SLC44A5: variants seen among roughly 807,000 people sequenced by gnomAD.
SLC44A5 encodes the protein solute carrier family 44 member 5, also known as choline transporter-like protein 5.
A neutral mutation model predicts 101.8 loss-of-function variants in SLC44A5; 57 were observed. The observed-to-expected ratio is 0.56, with a 90% CI of 0.45 to 0.70. SLC44A5 has a LOEUF of 0.70. Ranked by LOEUF, SLC44A5 falls within the 30% of genes least tolerant of loss-of-function variation. The probability of loss-of-function intolerance (pLI) is 0.00; values close to 1 mark genes in which losing one functional copy is unlikely to be tolerated. For missense variants in SLC44A5, 737 were observed against 853.1 expected (o/e 0.86, Z 1.70); for synonymous variants, 281 against 290.9 (o/e 0.97, Z 0.35).
At chr1:75,252,110 C>T (rs976300516) in intron 6 of SLC44A5, among the ~76,000 whole-genome samples, 3 of 152,104 alleles carry the variant, frequency 2.0e-5, no homozygotes, top group Non-Finnish European at 2.9e-5. Flanking sequence ...CAACTCTTTC[C>T]CAACCCTTGA....
intron 2 of SLC44A5, among the ~76,000 whole-genome samples, chr1:75,498,399 T>C (rs981019054): frequency 7.2e-5 from 11 of 152,148 alleles, no homozygotes; most frequent in Non-Finnish European, 1.6e-4. Flanking sequence ...TTCCTAAAAT[T>C]TGATATTACT....
intron 10 of SLC44A5, 128 bp downstream of exon 10, chr1:75,238,385 C>CATATATATATATATATATAT (rs71081318): frequency 4.8e-4 from 103 of 215,504 alleles, no homozygotes; most frequent in South Asian, 1.1e-3. Flanking sequence ...ACGTATATTT[C>CATATATATATATATATATAT]ATATATATAT....
At chr1:75,207,370 A>C (rs1364542392) in intron 23 of SLC44A5, among the ~76,000 whole-genome samples, 3 of 152,182 alleles carry the variant, frequency 2.0e-5, no homozygotes, top group Non-Finnish European at 4.4e-5. Flanking sequence ...TGACTCTCAT[A>C]ATACATTAAT....
At chr1:75,681,403 T>C in the SLC44A5 span, among the ~76,000 whole-genome samples, 2 of 151,574 alleles carry the variant, frequency 1.3e-5, no homozygotes, top group African/African-American at 4.8e-5. Context: ...AAAAAGCTTA[T>C]CCACCATGAT....
the SLC44A5 span, among the ~76,000 whole-genome samples, chr1:75,685,521 G>A: frequency 6.6e-6 from 1 of 152,100 alleles, no homozygotes; most frequent in Non-Finnish European, 1.5e-5. Flanking sequence ...CTTTTGACCA[G>A]TTCCCAAGAA....
the SLC44A5 span, among the ~76,000 whole-genome samples, chr1:75,665,147 A>C: frequency 1.3e-5 from 2 of 152,082 alleles, no homozygotes; most frequent in African/African-American, 4.8e-5. Flanking sequence ...AAAGAACTCA[A>C]ATAGTCAAAG....
chr1:75,700,071 C>T, the SLC44A5 span, among the ~76,000 whole-genome samples: 1 of 151,938 alleles, frequency 6.6e-6, no homozygotes, highest in Non-Finnish European at 1.5e-5. Context: ...ACTTTAACAC[C>T]CCGCTGTCAA....
chr1:75,260,466 A>C (rs1166381527), intron 6 of SLC44A5, among the ~76,000 whole-genome samples: 1 of 152,134 alleles, frequency 6.6e-6, no homozygotes. Context: ...ATGCAACAAG[A>C]AGCAGTAACC....
chr1:75,570,448 A>T (rs1673014971), intron 1 of SLC44A5, among the ~76,000 whole-genome samples: 2 of 152,184 alleles, frequency 1.3e-5, no homozygotes, highest in East Asian at 3.8e-4. Flanking sequence ...GGAGGGTTCA[A>T]TCTATTTTAT....
intron 6 of SLC44A5, among the ~76,000 whole-genome samples, chr1:75,263,801 TAA>T (rs1368727307): frequency 6.6e-6 from 1 of 151,944 alleles, no homozygotes; most frequent in Admixed American, 6.6e-5. Flanking sequence ...TATGCAGCCA[TAA>T]AAAAGGATGA....
chr1:75,374,583 G>A (rs932187001), intron 3 of SLC44A5, among the ~76,000 whole-genome samples: 3 of 152,134 alleles, frequency 2.0e-5, no homozygotes, highest in Non-Finnish European at 2.9e-5. Context: ...CCAGGGCACC[G>A]CTGCACATGC....
the SLC44A5 span, among the ~76,000 whole-genome samples, chr1:75,700,177 C>T: frequency 6.6e-6 from 1 of 152,176 alleles, no homozygotes; most frequent in Non-Finnish European, 1.5e-5. Flanking sequence ...CTACAGAAAT[C>T]TCCACCCCGA....
At chr1:75,395,937 G>A (rs926678046) in intron 3 of SLC44A5, among the ~76,000 whole-genome samples, 3 of 152,104 alleles carry the variant, frequency 2.0e-5, no homozygotes, top group Admixed American at 6.6e-5. Context: ...ATATACCTCA[G>A]GGGCAATGAG....
At chr1:75,692,372 T>G in the SLC44A5 span, among the ~76,000 whole-genome samples, 1 of 151,864 alleles carries the variant, frequency 6.6e-6, no homozygotes, top group Non-Finnish European at 1.5e-5. Context: ...TTTTTTTGTA[T>G]TTTTAATAAA....
chr1:75,420,072 T>C (rs1489882038), intron 2 of SLC44A5, among the ~76,000 whole-genome samples: 1 of 152,070 alleles, frequency 6.6e-6, no homozygotes, highest in Admixed American at 6.6e-5. Context: ...AGTGTCCTTC[T>C]AAGAGAGGCC....
the SLC44A5 span, among the ~76,000 whole-genome samples, chr1:75,707,717 A>G: frequency 1.3e-5 from 2 of 152,204 alleles, no homozygotes; most frequent in South Asian, 4.1e-4. Context: ...TGAAACCTCA[A>G]AAGTATTCCT....
chr1:75,535,181 A>C (rs1260681758), intron 2 of SLC44A5, among the ~76,000 whole-genome samples: 1 of 151,978 alleles, frequency 6.6e-6, no homozygotes, highest in African/African-American at 2.4e-5. Context: ...GTTACTTCAC[A>C]GAGTTAATCC....
chr1:75,699,180 C>T, the SLC44A5 span, among the ~76,000 whole-genome samples: 12 of 152,086 alleles, frequency 7.9e-5, no homozygotes, highest in African/African-American at 2.7e-4. Flanking sequence ...TCGAGAAGAG[C>T]AACTCCACGA....
At chr1:75,712,700 A>AG in the SLC44A5 span, among the ~76,000 whole-genome samples, 3 of 128,514 alleles carry the variant, frequency 2.3e-5, no homozygotes, top group East Asian at 6.4e-4. Context: ...CATTTGAGAA[A>AG]AAAAAAAAAA....
Sources: gnomAD v4.1 joint callset for allele counts (sites outside exome capture counted in the v4.1 genomes callset) on GRCh38, gnomAD v4.1.1 for gene constraint, MANE v1.5 for transcripts, NCBI Gene and HGNC (gene_info 2026-07-23, HGNC 2026-07-21) for gene names.